BDP1: variants seen among roughly 807,000 people sequenced by gnomAD.
BDP1 encodes the protein transcription factor TFIIIB component B'' homolog.
A neutral mutation model predicts 266.6 loss-of-function variants in BDP1; 169 were observed. That is an observed-to-expected ratio of 0.63 (90% confidence interval 0.56 to 0.72). The LOEUF is 0.72. Among genes scored for constraint, BDP1 ranks in the 30% least tolerant of loss-of-function variants. BDP1 has a pLI of 0.00. For missense variants in BDP1, 3,015 were observed against 3,053.8 expected (o/e 0.99, Z 0.30); for synonymous variants, 1,090 against 1,022.4 (o/e 1.07, Z -1.26).
rs1429145260 is a variant in BDP1 at position 71,565,035 on chromosome 5, A to G, written c.*150A>G. On this transcript the variant is annotated 3_prime_UTR_variant, in exon 39 of 39. Coordinates refer to ENST00000358731, the MANE Select transcript of BDP1 (RefSeq NM_018429.3). The stretch of plus-strand genomic sequence containing the variant: ...TTAATGAGCTTGATTTGAAGCTTTT[A>G]TAATCAGTGGAAAACATTTCTGAGG... 8 of 711,956 alleles carry G rather than the reference A, an allele frequency of 1.1e-5. No individual in the cohort carries two copies. In the Admixed American group the frequency reaches 2.4e-4, roughly 21 times the overall value. 44.1% of individuals were successfully genotyped at this position (711,956 alleles called of 1,614,324 possible).
chr5:71,562,223 A>AT, intron 37 of BDP1, 51 bp from the exon 38 acceptor site: 2 of 1,111,568 alleles, frequency 1.8e-6, no homozygotes, highest in Non-Finnish European at 2.4e-6. Flanking sequence ...AAAAAAAAAA[A>AT]GAATGTGTCT....
At position 71,539,090 on chromosome 5, in the gene BDP1, C is replaced by A; in HGVS notation, c.5929+12C>A. 6.3e-7 allele frequency: 1 copy of A among 1,589,804 alleles called. No individual in the cohort carries two copies. The highest frequency in any genetic ancestry group is 8.6e-7 in the Non-Finnish European group (1 of 1,162,764). On this transcript the variant is annotated intron_variant, in intron 27 of 38. Coordinates refer to ENST00000358731, the MANE Select transcript of BDP1 (RefSeq NM_018429.3). The stretch of plus-strand genomic sequence containing the variant: ...CCAAGATGAACCAGGTAACTGTTAT[C>A]AAGGAAACTGCTAAGACTACCTTGA...
At position 71,562,291 on chromosome 5, in the gene BDP1, T is replaced by A; in HGVS notation, c.7514T>A (p.Leu2505Gln). ...ASLSRPGRRP[L>Q]GFLSLICSKN... ...ATTTCTAGACCTGGCAGAAGACCCC[T>A]GGGATTTTTATCTTTAATATGCTCA... The change falls in exon 38 of 39, where the codon CTG (leucine) becomes CAG (glutamine). Residue 2505 changes from leucine (L) to glutamine (Q), a missense_variant. Leu to Gln is a moderately radical substitution (Grantham distance 113, BLOSUM62 -2). Transcript: ENST00000358731. 1 of 1,596,700 alleles carries A rather than the reference T, an allele frequency of 6.3e-7. No homozygotes were observed. The highest frequency in any genetic ancestry group is 1.1e-5 in the South Asian group (1 of 89,912).
chr5:71,480,724 T>G (rs1762902218), intron 7 of BDP1, among the ~76,000 whole-genome samples: 1 of 151,268 alleles, frequency 6.6e-6, no homozygotes, highest in Non-Finnish European at 1.5e-5. Context: ...CCACCATGCC[T>G]GGCTAATTTT....
At chr5:71,528,264 A>T (rs1766034379) in intron 25 of BDP1, among the ~76,000 whole-genome samples, 1 of 152,174 alleles carries the variant, frequency 6.6e-6, no homozygotes, top group African/African-American at 2.4e-5. Context: ...CTATGTTGTA[A>T]CTTTGGCTAG....
chr5:71,549,264 C>A (rs896125661), intron 33 of BDP1, among the ~76,000 whole-genome samples, 156 bp from the exon 34 acceptor site: 38 of 152,310 alleles, frequency 2.5e-4, no homozygotes, highest in Admixed American at 5.9e-4. Flanking sequence ...AGGGAACTTA[C>A]TTCCTCAGGC....
Position 71,509,855 on chromosome 5 carries a change from C to G in BDP1, c.2763C>G (p.Ala921=). The part of the protein sequence containing the change: ...LREKTPEVID[A]TEEIDKDLEE... ...AGAAGACGCCAGAGGTGATTGATGC[C>G]ACTGAGGAAATAGACAAAGATTTGG... The change falls in exon 17 of 39, where the codon GCC becomes GCG. Residue 921 remains alanine, a synonymous_variant. Coordinates refer to ENST00000358731, the MANE Select transcript of BDP1 (RefSeq NM_018429.3). 6.2e-7 allele frequency: 1 copy of G among 1,613,610 alleles called. No individual in the cohort carries two copies. Among genetic ancestry groups the G allele is most frequent in the Non-Finnish European group, 8.5e-7 (1 of 1,179,908 alleles).
intron 34 of BDP1, among the ~76,000 whole-genome samples, chr5:71,552,833 T>C (rs1345904814): frequency 1.3e-5 from 2 of 151,960 alleles, no homozygotes; most frequent in African/African-American, 4.8e-5. Flanking sequence ...AGGGAGACCA[T>C]GGGGAGAGGG....
intron 13 of BDP1, among the ~76,000 whole-genome samples, chr5:71,500,091 AT>A (rs537582462): frequency 1.3e-5 from 2 of 151,600 alleles, no homozygotes; most frequent in East Asian, 1.9e-4. Context: ...TATTGTTACC[AT>A]TTTTTTTAAA....
Position 71,532,148 on chromosome 5 carries a change from G to A in BDP1, c.5773-160G>A, listed in dbSNP as rs277970. On this transcript the variant is annotated intron_variant, in intron 25 of 38. Transcript: ENST00000358731. ...TTTTACTTTTGCCAAGTTGCTGTCA[G>A]TCAATAAAAGAATTACTCCATTCCA... Among the ~76,000 whole-genome samples, 8,540 of 152,264 alleles carry A rather than the reference G, an allele frequency of 0.056. 316 individuals are homozygous for A. Among genetic ancestry groups the A allele is most frequent in the Non-Finnish European group, 0.081 (5,522 of 68,006 alleles).
chr5:71,492,812 A>C (rs1294006922), intron 11 of BDP1, among the ~76,000 whole-genome samples: 2 of 152,210 alleles, frequency 1.3e-5, no homozygotes, highest in Non-Finnish European at 2.9e-5. Context: ...GTTGCCAAAA[A>C]CAAACTTAAA....
intron 9 of BDP1, among the ~76,000 whole-genome samples, chr5:71,488,517 C>T (rs1763402416): frequency 6.6e-6 from 1 of 151,684 alleles, no homozygotes; most frequent in Non-Finnish European, 1.5e-5. Flanking sequence ...CAGCCTCCAC[C>T]TCTCCAGTTG....
chr5:71,467,958 G>C (rs537103370), intron 6 of BDP1, among the ~76,000 whole-genome samples: 1 of 152,180 alleles, frequency 6.6e-6, no homozygotes, highest in African/African-American at 2.4e-5. Context: ...TCCTGCCTCA[G>C]CCTCCCAGAG....
chr5:71,525,490 G>T (rs1407699681), intron 25 of BDP1, among the ~76,000 whole-genome samples: 2 of 134,968 alleles, frequency 1.5e-5, no homozygotes, highest in Admixed American at 1.4e-4. Context: ...CGGGCGGGGG[G>T]CTGACACCCC....
At chr5:71,481,595 C>T (rs114085408) in intron 7 of BDP1, among the ~76,000 whole-genome samples, 1 of 152,052 alleles carries the variant, frequency 6.6e-6, no homozygotes, top group Non-Finnish European at 1.5e-5. Flanking sequence ...GACTTTTGTT[C>T]TGGAAAACTG....
chr5:71,476,743 A>C (rs930354074), intron 7 of BDP1, among the ~76,000 whole-genome samples: 3 of 151,672 alleles, frequency 2.0e-5, no homozygotes, highest in Admixed American at 6.6e-5. Context: ...TCGCTCTGTC[A>C]CCCAGGCTGG....
intron 1 of BDP1, among the ~76,000 whole-genome samples, chr5:71,457,932 A>G (rs1484443443): frequency 6.6e-6 from 1 of 152,180 alleles, no homozygotes; most frequent in Non-Finnish European, 1.5e-5. Flanking sequence ...CATACCTAAT[A>G]TGCAATTTGG....
In BDP1 at chr5:71,544,470, G is replaced by A; in HGVS notation, c.6526G>A (p.Gly2176Arg). The A allele has an allele frequency of 6.2e-7, 1 of 1,613,772 alleles. No homozygotes were observed. The highest frequency in any genetic ancestry group is 1.1e-5 in the South Asian group (1 of 90,950). Residue 2176 changes from glycine (G) to arginine (R), a missense_variant, in exon 31 of 39, where the codon GGG becomes AGG. Coordinates refer to ENST00000358731, the MANE Select transcript of BDP1 (RefSeq NM_018429.3). ...SKLACVHGIK[G>R]TSISSEVNLT... ...ATTGGCATGTGTACATGGTATCAAA[G>A]GGACCAGTATTTCTTCAGAAGTAAA...
chr5:71,553,415 A>T, intron 35 of BDP1, 95 bp downstream of exon 35: 1 of 777,200 alleles, frequency 1.3e-6, no homozygotes, highest in Admixed American at 2.8e-5. Context: ...ATTCTCTTTA[A>T]ACTTTTAGAT....
Sources: gnomAD v4.1 joint callset for allele counts (sites outside exome capture counted in the v4.1 genomes callset) on GRCh38, gnomAD v4.1.1 for gene constraint, MANE v1.5 for transcripts, NCBI Gene and HGNC (gene_info 2026-07-23, HGNC 2026-07-21) for gene names.